CERS4: variants seen among roughly 807,000 people sequenced by gnomAD.
CERS4 encodes ceramide synthase 4.
Under a neutral mutation model 51.8 loss-of-function variants are expected in CERS4, and 65 were observed. The ratio of observed to expected loss-of-function variants is 1.26; its 90% CI spans 1.03 to 1.54. The LOEUF (loss-of-function observed/expected upper bound fraction) is 1.54, where lower values mean the gene tolerates loss of function less well. Among genes scored for constraint, CERS4 ranks in the 40% most tolerant of loss-of-function variants. The pLI, the probability that CERS4 is intolerant of heterozygous loss-of-function variation, is 0.00. For missense variants in CERS4, 563 were observed against 500.4 expected (o/e 1.13, Z -1.19); for synonymous variants, 228 against 208.4 (o/e 1.09, Z -0.81).
At chr19:8,217,394 A>T (rs78780853) in intron 2 of CERS4, among the ~76,000 whole-genome samples, 7,670 of 152,078 alleles carry the variant, frequency 0.05, 258 homozygotes, top group East Asian at 0.16. Context: ...TTTGAGACAG[A>T]GTCTCGCTCT....
intron 10 of CERS4, among the ~76,000 whole-genome samples, chr19:8,259,177 G>C (rs977985250): frequency 2.0e-5 from 3 of 152,176 alleles, no homozygotes; most frequent in African/African-American, 7.2e-5. Flanking sequence ...TATGGGAGAG[G>C]TGGGTAGTTG....
intron 2 of CERS4, among the ~76,000 whole-genome samples, chr19:8,249,276 G>T (rs1054064739): frequency 1.3e-5 from 2 of 152,120 alleles, no homozygotes; most frequent in Non-Finnish European, 2.9e-5. Flanking sequence ...TCGGTAGATA[G>T]ATGGACAGGG....
At chr19:8,255,966 GC>G in intron 6 of CERS4, 87 bp downstream of exon 6, 2 of 1,415,542 alleles carry the variant, frequency 1.4e-6, no homozygotes, top group Non-Finnish European at 2.0e-6. Context: ...GAGTGGTGCA[GC>G]CAGAGAGGAA....
At chr19:8,250,382 T>C (rs1433183634) in intron 2 of CERS4, 1 of 152,282 alleles carries the variant, frequency 6.6e-6, no homozygotes, top group Non-Finnish European at 1.5e-5. Flanking sequence ...GTGTTATTAT[T>C]ACTCTTGTTA....
At chr19:8,258,382 C>A (rs958141400) in intron 10 of CERS4, among the ~76,000 whole-genome samples, 1 of 152,134 alleles carries the variant, frequency 6.6e-6, no homozygotes, top group Non-Finnish European at 1.5e-5. Flanking sequence ...GTGAACTGCA[C>A]AGCATGCGAA....
intron 10 of CERS4, chr19:8,261,384 A>G: frequency 2.6e-6 from 1 of 385,336 alleles, no homozygotes; most frequent in Non-Finnish European, 4.8e-6. Flanking sequence ...GGGTCTGAGG[A>G]GTAGAGAGAA....
chr19:8,256,427 TAG>T, intron 7 of CERS4, 141 bp downstream of exon 7: 1 of 1,028,118 alleles, frequency 9.7e-7, no homozygotes, highest in Non-Finnish European at 1.4e-6. Flanking sequence ...CTCTGGGGAA[TAG>T]AGAGGGGCCA....
intron 2 of CERS4, among the ~76,000 whole-genome samples, chr19:8,225,553 G>A (rs189798461): frequency 2.6e-5 from 4 of 151,392 alleles, no homozygotes; most frequent in African/African-American, 9.7e-5. Context: ...CCTCTCGAGT[G>A]GCTGGGATTA....
At position 8,261,834 on chromosome 19, in the gene CERS4, A is replaced by G. The variant is rs1162943100; in HGVS notation, c.995A>G (p.Lys332Arg). ...LILRMLYSFM[K>R]KGQMEKDIRS... ...CTGCGCATGCTCTATAGCTTCATGAAGAAGGGCCAGGTATGGCTGGACCTC... is the reference window on the plus strand; with the variant it reads ...CTGCGCATGCTCTATAGCTTCATGAGGAAGGGCCAGGTATGGCTGGACCTC... The change falls in exon 11 of 12, where the codon AAG (lysine) becomes AGG (arginine). Residue 332 changes from lysine to arginine, a missense_variant. Transcript: ENST00000251363. The G allele has an allele frequency of 6.2e-7, 1 of 1,614,150 alleles. No homozygotes were observed. The highest frequency in any genetic ancestry group is 1.3e-5 in the African/African-American group (1 of 75,036).
chr19:8,258,920 G>C (rs1199003845), intron 10 of CERS4, among the ~76,000 whole-genome samples: 1 of 151,992 alleles, frequency 6.6e-6, no homozygotes, highest in African/African-American at 2.4e-5. Flanking sequence ...GATCACCTGA[G>C]GTCAGGAGAT....
At chr19:8,254,165 T>TA (rs1441628578) in intron 3 of CERS4, among the ~76,000 whole-genome samples, 11 of 150,790 alleles carry the variant, frequency 7.3e-5, no homozygotes, top group African/African-American at 2.7e-4. Flanking sequence ...TACTAAAAAA[T>TA]ACAAAAAATT....
intron 7 of CERS4, 36 bp downstream of exon 7, chr19:8,256,322 G>T: frequency 6.2e-7 from 1 of 1,609,326 alleles, no homozygotes; most frequent in Non-Finnish European, 8.5e-7. Flanking sequence ...CTTGGAGGGT[G>T]AGGGCGATGA....
In CERS4 at chr19:8,221,884, T is replaced by TTTG. The variant is rs1555772060; in HGVS notation, c.-2+11024_-2+11025insGTT. Among the ~76,000 whole-genome samples, 533 of 96,772 alleles carry TTTG rather than the reference T, an allele frequency of 5.5e-3. 46 individuals carry two copies. In the East Asian group the frequency reaches 0.093, roughly 17 times the overall value. The allele number at this position is 96,772 out of a possible 152,430, so 63.5% of individuals were successfully genotyped here. A position where few individuals can be genotyped will look rare whatever the true frequency, so the allele number is the denominator to read the frequency against. ...TTTATTTTTTTATGTTTTTTTTTTT[T>TTTG]TTTTTTTTTTTTTTTGAGACAGAGG... On this transcript the variant is annotated intron_variant, in intron 2 of 11. Transcript: ENST00000251363.
intron 2 of CERS4, among the ~76,000 whole-genome samples, chr19:8,219,349 T>C (rs549100862): frequency 5.9e-5 from 9 of 152,292 alleles, no homozygotes. Flanking sequence ...CAGGCAGGAC[T>C]GCAGGCCCAT....
At chr19:8,251,796 T>C (rs1297831473) in intron 3 of CERS4, among the ~76,000 whole-genome samples, 3 of 108,158 alleles carry the variant, frequency 2.8e-5, no homozygotes, top group East Asian at 3.1e-4. Context: ...AGAGCAAGAC[T>C]CCATAAAAAA....
At position 8,255,640 on chromosome 19, in the gene CERS4, C is replaced by T. The variant is rs765606153; in HGVS notation, c.325C>T (p.Leu109Phe). 2 of 1,612,952 alleles carry T rather than the reference C, an allele frequency of 1.2e-6. No homozygotes were observed. The highest frequency in any genetic ancestry group is 2.2e-5 in the East Asian group (1 of 44,886). ...QLSLLAAQCG[L>F]TLQQTQRWFR... ...GTCTCTCCTGGCCGCCCAGTGTGGC[C>T]TCACGCTGCAGCAGACCCAGCGATG... Residue 109 changes from leucine to phenylalanine, a missense_variant, in exon 5 of 12, where the codon CTC becomes TTC. Leu to Phe is a conservative substitution (Grantham distance 22). Transcript: ENST00000251363.
chr19:8,221,071 C>T lies in CERS4; in HGVS notation c.-2+10209C>T, dbSNP rs1406486391. Among the ~76,000 whole-genome samples the T allele has an allele frequency of 4.6e-5, 7 of 151,928 alleles. No individual in the cohort carries two copies. The East Asian group carries it at 1.2e-3, about 25-fold the overall frequency. On this transcript the variant is annotated intron_variant, in intron 2 of 11. Coordinates refer to ENST00000251363, the MANE Select transcript of CERS4 (RefSeq NM_024552.3). ...CGATCTCCTGACCTTGTGATCTGCC[C>T]GCCTCGGCCTCCCAAAGTGCTGGGA...
chr19:8,232,792 G>T (rs1483521465), intron 2 of CERS4, among the ~76,000 whole-genome samples: 2 of 148,790 alleles, frequency 1.3e-5, no homozygotes, highest in Non-Finnish European at 3.0e-5. Flanking sequence ...TGTGATCACA[G>T]CTCCCTGCAG....
rs192792730 is a variant in CERS4, at chr19:8,237,646, T to C, written c.-1-13430T>C. On this transcript the variant is annotated intron_variant, in intron 2 of 11. Transcript: ENST00000251363. ...TGGGTGGATCACAAGGTCAGGAGAT[T>C]GAGACCATCCTGGCTAACATGGTGA... 3.5e-3 allele frequency among the ~76,000 whole-genome samples: 526 copies of C among 152,092 alleles called. 15 individuals are homozygous for C. Among genetic ancestry groups the C allele is most frequent in the Admixed American group, 0.03 (463 of 15,272 alleles).
Sources: allele counts gnomAD v4.1 joint callset (sites outside exome capture counted in the v4.1 genomes callset), GRCh38; gene constraint gnomAD v4.1.1; transcripts MANE v1.5; gene names NCBI Gene and HGNC (gene_info 2026-07-23, HGNC 2026-07-21).